The following BCAT1 variants were observed in gnomAD, a reference collection of about 807,000 sequenced individuals.
BCAT1 encodes branched chain amino acid transaminase 1.
BCAT1 carries 48 observed loss-of-function variants against 52.4 expected under a neutral mutation model. That is an observed-to-expected ratio of 0.92 (90% confidence interval 0.73 to 1.16). The LOEUF (loss-of-function observed/expected upper bound fraction) is 1.16. BCAT1 is among the 50% of genes most tolerant of loss of function. BCAT1 has a pLI of 0.00. For missense variants in BCAT1, 451 were observed against 457.1 expected, an observed-to-expected ratio of 0.99 and a Z score of 0.12; for synonymous variants, 167 against 161.3, an observed-to-expected ratio of 1.04 and a Z score of -0.27.
At chr12:24,829,776 A>AAAAAGAAAAGAAAAGGAAAGAAAAG in intron 10 of BCAT1, 47 bp downstream of exon 10, 1 of 1,255,120 alleles carries the variant, frequency 8.0e-7, no homozygotes. Flanking sequence ...GTGACATAAA[A>AAAAAGAAAAGAAAAGGAAAGAAAAG]AAAAGAAAAG....
rs181150262 is a variant in BCAT1, at chr12:24,888,228, G to T, written c.279+6047C>A. On this transcript the variant is annotated intron_variant, in intron 3 of 10. Transcript: ENST00000261192. ...GTTAAAAAAAAAAGACAGAAAACAG[G>T]CCAGGTGCAGTGGCTCATGCCTGTA... 2.1e-3 allele frequency among the ~76,000 whole-genome samples: 317 copies of T among 152,278 alleles called. 4 individuals are homozygous for T. The highest frequency in any genetic ancestry group is 0.019 in the Admixed American group (290 of 15,290).
At chr12:24,874,175 A>G (rs1044193331) in intron 5 of BCAT1, among the ~76,000 whole-genome samples, 1 of 152,118 alleles carries the variant, frequency 6.6e-6, no homozygotes, top group Admixed American at 6.5e-5. Context: ...TTAGCTGGGC[A>G]TGGTGGCACG....
intron 7 of BCAT1, among the ~76,000 whole-genome samples, chr12:24,838,697 T>C (rs943158628): frequency 6.6e-6 from 1 of 152,174 alleles, no homozygotes; most frequent in African/African-American, 2.4e-5. Context: ...AACATCTGCT[T>C]CTCTGGTTGC....
chr12:24,926,225 G>A (rs190214748), intron 1 of BCAT1, among the ~76,000 whole-genome samples: 3,708 of 151,554 alleles, frequency 0.024, 111 homozygotes, highest in African/African-American at 0.069. Context: ...GGTGAGGAGC[G>A]CCTCTGCCCG....
In BCAT1 at chr12:24,813,911, C is replaced by T. The variant is rs2353483; in HGVS notation, c.*4097G>A. On this transcript the variant is annotated 3_prime_UTR_variant, in exon 11 of 11. Coordinates refer to ENST00000261192, the MANE Select transcript of BCAT1 (RefSeq NM_005504.7). ...CTCCATGAGGGTAATGTCTATATGC[C>T]ATTGATTTCTTAAAACTAACTTCCT... is the stretch of plus-strand genomic sequence containing the variant. 0.73 allele frequency: 111,232 copies of T among 151,884 alleles called. 40,811 individuals are homozygous for T. Among genetic ancestry groups the T allele is most frequent in the East Asian group, 0.87 (4,486 of 5,180 alleles). The allele number at this position is 151,884 out of a possible 1,614,324, so 9.4% of individuals were successfully genotyped here. A position where few individuals can be genotyped will look rare whatever the true frequency, so the allele number is the denominator to read the frequency against.
chr12:24,881,701 G>C (rs1014503058), intron 3 of BCAT1, among the ~76,000 whole-genome samples: 2 of 152,252 alleles, frequency 1.3e-5, no homozygotes, highest in Middle Eastern at 6.8e-3. Context: ...GTTATTTAAG[G>C]GAGCAGGAAG....
At chr12:24,898,590 G>A (rs867011639) in intron 2 of BCAT1, among the ~76,000 whole-genome samples, 12 of 124,442 alleles carry the variant, frequency 9.6e-5, no homozygotes, top group African/African-American at 3.3e-4. Context: ...ATCTCGGCTC[G>A]CTGCAACCTC....
chr12:24,831,366 G>A (rs1318360476), intron 9 of BCAT1, among the ~76,000 whole-genome samples: 2 of 152,122 alleles, frequency 1.3e-5, no homozygotes, highest in Non-Finnish European at 2.9e-5. Flanking sequence ...AGTTATATGT[G>A]GGCCGGGCAT....
intron 1 of BCAT1, among the ~76,000 whole-genome samples, chr12:24,915,167 C>T (rs1018909286): frequency 2.6e-4 from 39 of 150,812 alleles, no homozygotes; most frequent in African/African-American, 8.8e-4. Context: ...ACTGAGTTTT[C>T]AACAAAGGCA....
intron 2 of BCAT1, among the ~76,000 whole-genome samples, chr12:24,900,036 T>A (rs542056736): frequency 6.6e-6 from 1 of 151,604 alleles, no homozygotes; most frequent in African/African-American, 2.4e-5. Context: ...AGGCTATATA[T>A]ATATATTTTG....
intron 10 of BCAT1, among the ~76,000 whole-genome samples, chr12:24,820,463 C>T (rs1388430827): frequency 6.6e-6 from 1 of 151,982 alleles, no homozygotes; most frequent in Non-Finnish European, 1.5e-5. Flanking sequence ...AGTAAGTATA[C>T]ATAGAGGGAG....
At chr12:24,949,313 C>T (rs1202670015), upstream of BCAT1, 1 of 290,250 alleles carries the variant, frequency 3.4e-6, no homozygotes, top group African/African-American at 2.2e-5. Context: ...ACGGTTACCC[C>T]CGAATCAGCC....
chr12:24,928,704 TTTGTTGTTGTTGTTGTTGTTGTTG>T (rs71063374), intron 1 of BCAT1, among the ~76,000 whole-genome samples: 4 of 144,090 alleles, frequency 2.8e-5, no homozygotes, highest in African/African-American at 7.8e-5. Context: ...GTGTGAAATG[TTTGTTGTTGTTGTTGTTGTTGTTG>T]TTGTTGTTGT....
intron 1 of BCAT1, among the ~76,000 whole-genome samples, chr12:24,924,737 A>G (rs1302673268): frequency 6.6e-6 from 1 of 152,198 alleles, no homozygotes; most frequent in Non-Finnish European, 1.5e-5. Context: ...TGTAAACAAA[A>G]CAAACACATT....
Position 24,899,413 on chromosome 12 carries a change from C to T in BCAT1, c.78+2401G>A, listed in dbSNP as rs146219880. On this transcript the variant is annotated intron_variant, in intron 2 of 10. Coordinates refer to ENST00000261192, the MANE Select transcript of BCAT1 (RefSeq NM_005504.7). ...TGATGAGGATACAGAGAAAAGAGAA[C>T]GCTTATACACTGTTGGTAAGAATGT... Among the ~76,000 whole-genome samples, 330 of 152,016 alleles carry T rather than the reference C, an allele frequency of 2.2e-3. 3 individuals carry two copies. The highest frequency in any genetic ancestry group is 7.6e-3 in the African/African-American group (315 of 41,478).
intron 8 of BCAT1, among the ~76,000 whole-genome samples, chr12:24,835,745 T>C (rs926634513): frequency 3.3e-5 from 5 of 152,008 alleles, no homozygotes; most frequent in African/African-American, 1.2e-4. Context: ...TGTACCACCA[T>C]GTTCAGCTAA....
chr12:24,870,018 G>A (rs1037897509), intron 5 of BCAT1, among the ~76,000 whole-genome samples: 3 of 151,898 alleles, frequency 2.0e-5, no homozygotes, highest in Non-Finnish European at 2.9e-5. Flanking sequence ...GTGTGTGTGT[G>A]TGTGTGTATT....
chr12:24,890,102 T>C (rs927902644), intron 3 of BCAT1, among the ~76,000 whole-genome samples: 44 of 152,118 alleles, frequency 2.9e-4, no homozygotes, highest in African/African-American at 1.1e-3. Flanking sequence ...AACCTAAGTG[T>C]TTCCCTGAGT....
At chr12:24,937,450 A>G (rs1200381051) in intron 1 of BCAT1, among the ~76,000 whole-genome samples, 1 of 152,228 alleles carries the variant, frequency 6.6e-6, no homozygotes, top group Non-Finnish European at 1.5e-5. Context: ...TATTCAAAAC[A>G]TAACAGGAAG....
Sources: allele counts gnomAD v4.1 joint callset (sites outside exome capture counted in the v4.1 genomes callset), GRCh38; gene constraint gnomAD v4.1.1; transcripts MANE v1.5; gene names NCBI Gene and HGNC (gene_info 2026-07-23, HGNC 2026-07-21).